Variants in NTM observed in about 807,000 individuals in gnomAD.
NTM encodes the protein IgLON family member 2.
NTM carries 13 observed loss-of-function variants against 42.1 expected under a neutral mutation model. That is an observed-to-expected ratio of 0.31 (90% CI 0.20 to 0.49). The LOEUF (loss-of-function observed/expected upper bound fraction) is 0.49, where lower values mean the gene tolerates loss of function less well. Among genes scored for constraint, NTM ranks in the 20% least tolerant of loss-of-function variants. The pLI is 0.99. For missense variants in NTM, 373 were observed against 452.8 expected (o/e 0.82, Z 1.60); for synonymous variants, 187 against 179.2 (o/e 1.04, Z -0.35).
intron 1 of NTM, among the ~76,000 whole-genome samples, chr11:131,495,168 T>G (rs959321069): frequency 2.6e-5 from 4 of 152,068 alleles, no homozygotes; most frequent in Non-Finnish European, 5.9e-5. Context: ...ACTTTCACTG[T>G]TTTTGGGTCT....
chr11:131,897,693 T>C (rs2052519832), intron 1 of NTM, among the ~76,000 whole-genome samples: 1 of 152,248 alleles, frequency 6.6e-6, no homozygotes, highest in South Asian at 2.1e-4. Context: ...TATCACCTCT[T>C]GATGGAACAC....
intron 2 of NTM, among the ~76,000 whole-genome samples, chr11:131,987,022 G>A (rs1364770363): frequency 2.0e-5 from 3 of 152,098 alleles, no homozygotes; most frequent in Non-Finnish European, 2.9e-5. Flanking sequence ...TTGTTGTTGA[G>A]GATCTTTTAT....
chr11:132,053,699 C>G (rs994660409), intron 2 of NTM, among the ~76,000 whole-genome samples: 1 of 152,182 alleles, frequency 6.6e-6, no homozygotes, highest in African/African-American at 2.4e-5. Flanking sequence ...TAAGTGAATT[C>G]TTGCTTCAAA....
intron 3 of NTM, among the ~76,000 whole-genome samples, chr11:132,195,440 A>G (rs2080030041): frequency 6.6e-6 from 1 of 151,920 alleles, no homozygotes; most frequent in African/African-American, 2.4e-5. Flanking sequence ...AAATTAGAAA[A>G]TAAAAACTGT....
At position 131,991,782 on chromosome 11, in the gene NTM, T is replaced by A. The variant is rs76630269; in HGVS notation, c.167+80134T>A. On this transcript the variant is annotated intron_variant, in intron 2 of 8. Coordinates refer to ENST00000683400, the MANE Select transcript of NTM (RefSeq NM_001352005.2). ...GGGGAATGCATTCTGGACATGTACC[T>A]GCCATTGCATTCACAAAGGCAGGCA... 3.0e-3 allele frequency among the ~76,000 whole-genome samples: 452 copies of A among 152,302 alleles called. 4 individuals are homozygous for A. Among genetic ancestry groups the A allele is most frequent in the African/African-American group, 0.01 (431 of 41,560 alleles).
chr11:131,971,635 G>A (rs2063541519), intron 2 of NTM, among the ~76,000 whole-genome samples: 1 of 151,964 alleles, frequency 6.6e-6, no homozygotes, highest in African/African-American at 2.4e-5. Context: ...CTCTGCCTCT[G>A]AGCTATGTGA....
intron 4 of NTM, among the ~76,000 whole-genome samples, chr11:132,242,267 C>G (rs545498115): frequency 6.6e-6 from 1 of 152,280 alleles, no homozygotes; most frequent in South Asian, 2.1e-4. Flanking sequence ...GAGTCCCCAT[C>G]TTAACAATTA....
chr11:131,789,618 A>T (rs1315390510), intron 1 of NTM, among the ~76,000 whole-genome samples: 1 of 86,350 alleles, frequency 1.2e-5, no homozygotes, highest in African/African-American at 5.1e-5. Context: ...AAGAAGAAGA[A>T]GAAGAAGAAG....
At chr11:131,725,895 G>A (rs1261589797) in intron 1 of NTM, among the ~76,000 whole-genome samples, 5 of 152,138 alleles carry the variant, frequency 3.3e-5, no homozygotes, top group Admixed American at 6.5e-5. Context: ...GAGTGTTGAG[G>A]CCTCTCGCTA....
chr11:131,508,214 A>C (rs1283833710), intron 1 of NTM, among the ~76,000 whole-genome samples: 2 of 146,202 alleles, frequency 1.4e-5, no homozygotes, highest in African/African-American at 5.3e-5. Flanking sequence ...CCCATCAAAA[A>C]GTGGGCGAAG....
chr11:132,281,325 T>C (rs1591713680), intron 4 of NTM, among the ~76,000 whole-genome samples: 1 of 152,226 alleles, frequency 6.6e-6, no homozygotes, highest in East Asian at 1.9e-4. Context: ...GATACTTTTC[T>C]TAATATATTA....
chr11:132,314,894 CAGAAAG>C lies in NTM; in HGVS notation c.934+199_934+204del, dbSNP rs905846599. ...GACAGAGAGACAGGGAGGAGGCAGA[CAGAAAG>C]AGAAAGAACAAGAGATACAGTTTAC... On this transcript the variant is annotated intron_variant, in intron 7 of 8. Transcript: ENST00000683400. 4.2e-5 allele frequency: 56 copies of C among 1,349,168 alleles called. No individual in the cohort carries two copies. In the Admixed American group the frequency reaches 1.8e-3, roughly 43 times the overall value. 83.6% of individuals were successfully genotyped at this position (1,349,168 alleles called of 1,614,324 possible).
At chr11:132,325,043 G>A (rs113576448) in intron 7 of NTM, among the ~76,000 whole-genome samples, 10 of 151,412 alleles carry the variant, frequency 6.6e-5, no homozygotes, top group East Asian at 1.9e-4. Context: ...AGACTTAAAC[G>A]TTAGACCTAA....
chr11:131,734,797 T>G (rs768904984), intron 1 of NTM, among the ~76,000 whole-genome samples: 2 of 152,194 alleles, frequency 1.3e-5, no homozygotes, highest in Non-Finnish European at 2.9e-5. Flanking sequence ...CTGCCACATC[T>G]CACAGTCATT....
At chr11:132,114,243 C>A (rs185301773) in intron 2 of NTM, among the ~76,000 whole-genome samples, 2 of 152,304 alleles carry the variant, frequency 1.3e-5, no homozygotes, top group East Asian at 3.9e-4. Flanking sequence ...TTGTTCAAGG[C>A]ATGTATCAAG....
Position 132,331,229 on chromosome 11 carries a change from T to C in NTM, c.967+1044T>C, listed in dbSNP as rs562938695. ...CACTTAAGCTTCCTGAAGTTCAGTT[T>C]CCACATGGTAGAAAGGGAGATAATA... is the stretch of plus-strand genomic sequence containing the variant. On this transcript the variant is annotated intron_variant, in intron 8 of 8. Coordinates refer to ENST00000683400, the MANE Select transcript of NTM (RefSeq NM_001352005.2). Among the ~76,000 whole-genome samples the C allele has an allele frequency of 3.8e-4, 58 of 152,354 alleles. No individual in the cohort carries two copies. The South Asian group carries it at 8.1e-3, about 21-fold the overall frequency.
intron 2 of NTM, among the ~76,000 whole-genome samples, chr11:131,974,493 C>T (rs998537949): frequency 2.0e-5 from 3 of 152,162 alleles, no homozygotes; most frequent in Non-Finnish European, 4.4e-5. Flanking sequence ...CCTCTTTGCT[C>T]TCATGTTAAT....
intron 1 of NTM, among the ~76,000 whole-genome samples, chr11:131,562,620 G>A (rs1273442102): frequency 2.0e-5 from 3 of 152,166 alleles, no homozygotes; most frequent in East Asian, 1.9e-4. Flanking sequence ...CTTTGAAGGC[G>A]CTCTTCCCCT....
chr11:131,387,894 A>G (rs1943525656), intron 1 of NTM, among the ~76,000 whole-genome samples: 1 of 152,176 alleles, frequency 6.6e-6, no homozygotes, highest in African/African-American at 2.4e-5. Context: ...CCGGTTTCTA[A>G]TCTGCCCTGG....
Sources: allele counts gnomAD v4.1 joint callset (sites outside exome capture counted in the v4.1 genomes callset), GRCh38; gene constraint gnomAD v4.1.1; transcripts MANE v1.5; gene names NCBI Gene and HGNC (gene_info 2026-07-23, HGNC 2026-07-21).